The following TMEM132D variants were observed in gnomAD, a reference collection of about 807,000 sequenced individuals.
TMEM132D encodes mature OL transmembrane protein.
In TMEM132D, 21 loss-of-function variants were observed where a neutral mutation model predicts 62.3. The ratio of observed to expected loss-of-function variants is 0.34; its 90% CI spans 0.24 to 0.49. TMEM132D has a LOEUF of 0.49. Ranked by LOEUF, TMEM132D falls within the 20% of genes least tolerant of loss-of-function variation. The pLI is 0.99. For missense variants in TMEM132D, 1,346 were observed against 1,402.8 expected (o/e 0.96, Z 0.65); for synonymous variants, 621 against 575.6 (o/e 1.08, Z -1.13).
At chr12:129,374,756 A>G (rs1057187655) in intron 3 of TMEM132D, among the ~76,000 whole-genome samples, 1 of 152,264 alleles carries the variant, frequency 6.6e-6, no homozygotes, top group Middle Eastern at 3.4e-3. Flanking sequence ...AGCTTGCCTT[A>G]CTCAACGTAT....
intron 3 of TMEM132D, among the ~76,000 whole-genome samples, chr12:129,364,766 C>G (rs536027603): frequency 1.3e-5 from 2 of 152,254 alleles, no homozygotes; most frequent in East Asian, 3.9e-4. Context: ...GCTGGAATGA[C>G]CACAATCGGA....
intron 1 of TMEM132D, among the ~76,000 whole-genome samples, chr12:129,816,568 TA>T (rs1335934035): frequency 6.6e-6 from 1 of 152,072 alleles, no homozygotes; most frequent in East Asian, 1.9e-4. Flanking sequence ...AAAGTCAAAA[TA>T]AAACAGCAGC....
intron 8 of TMEM132D, among the ~76,000 whole-genome samples, chr12:129,077,315 T>C (rs1385063410): frequency 1.3e-5 from 2 of 152,156 alleles, no homozygotes; most frequent in Non-Finnish European, 2.9e-5. Flanking sequence ...CAATGTCCCA[T>C]ATGGGCCGGA....
At chr12:129,657,458 G>A (rs1010222689) in intron 2 of TMEM132D, among the ~76,000 whole-genome samples, 4 of 152,100 alleles carry the variant, frequency 2.6e-5, no homozygotes, top group African/African-American at 9.7e-5. Flanking sequence ...GGATAGGAGG[G>A]GGCTGATCTC....
rs2135604457 is a variant in TMEM132D at position 129,074,736 on chromosome 12, C to G, written c.2439G>C (p.Gly813=). The change falls in exon 9 of 9, where the codon GGG becomes GGC. Residue 813 remains glycine (G), a synonymous_variant. Transcript: ENST00000422113. ...CATTGTTTTCCATGTGAACCCCTGC[C>G]CCTGTGTGTCTGCTGTCACTGGTGT... ...NPNTSDSRHT[G]AGVHMENNVS... 6.2e-7 allele frequency: 1 copy of G among 1,614,110 alleles called. No homozygotes were observed. Among genetic ancestry groups the G allele is most frequent in the South Asian group, 1.1e-5 (1 of 91,066 alleles).
intron 5 of TMEM132D, among the ~76,000 whole-genome samples, chr12:129,156,895 A>T (rs1448065053): frequency 6.6e-6 from 1 of 151,544 alleles, no homozygotes; most frequent in Admixed American, 6.6e-5. Flanking sequence ...TAAATAACCC[A>T]CTCCTGAGAT....
chr12:129,458,068 G>A (rs537604854), intron 3 of TMEM132D, among the ~76,000 whole-genome samples: 10 of 152,184 alleles, frequency 6.6e-5, no homozygotes, highest in African/African-American at 1.7e-4. Flanking sequence ...TGATAATATC[G>A]TACTCTCCCC....
At chr12:129,572,215 G>A (rs1169349916) in intron 2 of TMEM132D, among the ~76,000 whole-genome samples, 1 of 152,246 alleles carries the variant, frequency 6.6e-6, no homozygotes, top group Non-Finnish European at 1.5e-5. Flanking sequence ...AGATTTGAGA[G>A]AAGGCAAAGT....
At chr12:129,818,998 G>C (rs1242287845) in intron 1 of TMEM132D, among the ~76,000 whole-genome samples, 3 of 151,564 alleles carry the variant, frequency 2.0e-5, no homozygotes, top group South Asian at 2.1e-4. Context: ...TTGCACCACT[G>C]TACTCCAGAC....
At chr12:129,224,096 T>C (rs1021818596) in intron 4 of TMEM132D, among the ~76,000 whole-genome samples, 1 of 152,152 alleles carries the variant, frequency 6.6e-6, no homozygotes, top group Admixed American at 6.5e-5. Flanking sequence ...GAAAAATCAC[T>C]CTCAGTTAAG....
intron 2 of TMEM132D, among the ~76,000 whole-genome samples, chr12:129,545,610 A>G (rs528774982): frequency 1.3e-5 from 2 of 150,948 alleles, no homozygotes; most frequent in Admixed American, 6.6e-5. Flanking sequence ...TTGCACAGCA[A>G]CTCCCCATTC....
chr12:129,850,492 T>G (rs114249227), intron 1 of TMEM132D, among the ~76,000 whole-genome samples: 1 of 152,180 alleles, frequency 6.6e-6, no homozygotes, highest in African/African-American at 2.4e-5. Context: ...GACATCAAGA[T>G]TCCTCTAAGT....
chr12:129,556,365 C>T (rs1347005599), intron 2 of TMEM132D, among the ~76,000 whole-genome samples: 2 of 152,108 alleles, frequency 1.3e-5, no homozygotes, highest in African/African-American at 4.8e-5. Flanking sequence ...AGGCAGGTCC[C>T]GAAGACTCTG....
At chr12:129,338,117 G>A (rs1869353602) in intron 3 of TMEM132D, among the ~76,000 whole-genome samples, 1 of 152,226 alleles carries the variant, frequency 6.6e-6, no homozygotes, top group South Asian at 2.1e-4. Flanking sequence ...AATAGTGATT[G>A]CATTTCTTAA....
At position 129,371,558 on chromosome 12, in the gene TMEM132D, C is replaced by T. The variant is rs572543430; in HGVS notation, c.1116-33741G>A. Among the ~76,000 whole-genome samples, 63 of 149,380 alleles carry T rather than the reference C, an allele frequency of 4.2e-4. No homozygotes were observed. Among genetic ancestry groups the T allele is most frequent in the African/African-American group, 1.2e-3 (47 of 40,428 alleles). The stretch of plus-strand genomic sequence containing the variant: ...ATTATGATGATGATGATGATGATGG[C>T]GATGATGGTGACAATGATGTGATGA... On this transcript the variant is annotated intron_variant, in intron 3 of 8. Transcript: ENST00000422113. The surrounding 1 kb of genome is among the most constrained non-coding windows in gnomAD (Gnocchi z 4.3).
intron 2 of TMEM132D, among the ~76,000 whole-genome samples, chr12:129,535,778 G>A (rs187750209): frequency 1.2e-4 from 5 of 42,442 alleles, no homozygotes; most frequent in South Asian, 5.9e-4. Context: ...ATTTGTGTGC[G>A]TGTGTGTGTG....
At chr12:129,117,041 C>T (rs556733199) in intron 5 of TMEM132D, among the ~76,000 whole-genome samples, 5 of 150,812 alleles carry the variant, frequency 3.3e-5, no homozygotes, top group Admixed American at 6.6e-5. Context: ...ATAAATAAAC[C>T]GTGGTGTGCT....
chr12:129,247,109 C>T (rs1198043263), intron 4 of TMEM132D, among the ~76,000 whole-genome samples: 1 of 152,140 alleles, frequency 6.6e-6, no homozygotes, highest in Non-Finnish European at 1.5e-5. Context: ...TTATTTTCTG[C>T]AAAGTATATA....
chr12:129,181,616 C>A (rs1017223173), intron 5 of TMEM132D, among the ~76,000 whole-genome samples: 3 of 152,200 alleles, frequency 2.0e-5, no homozygotes, highest in African/African-American at 7.2e-5. Flanking sequence ...CACCTCATCT[C>A]CTTTTGAGGC....
Sources: allele counts gnomAD v4.1 joint callset (sites outside exome capture counted in the v4.1 genomes callset), GRCh38; gene constraint gnomAD v4.1.1; non-coding constraint Gnocchi (gnomAD v3.1); transcripts MANE v1.5; gene names NCBI Gene and HGNC (gene_info 2026-07-23, HGNC 2026-07-21).